The following HDAC9 variants were observed in gnomAD, a reference collection of about 807,000 sequenced individuals.
The protein encoded by HDAC9 is MEF-2 interacting transcription repressor (MITR) protein.
Under a neutral mutation model 139.4 loss-of-function variants are expected in HDAC9, and 41 were observed. That is an observed-to-expected ratio of 0.29 (90% CI 0.23 to 0.38). HDAC9 has a LOEUF of 0.38. Among genes scored for constraint, HDAC9 ranks in the 10% least tolerant of loss-of-function variants. The pLI is 1.00. For missense variants in HDAC9, 1,147 were observed against 1,297.0 expected (o/e 0.88, Z 1.78); for synonymous variants, 517 against 476.2 (o/e 1.09, Z -1.12).
At chr7:18,249,850 G>A (rs929862054) in intron 2 of HDAC9, among the ~76,000 whole-genome samples, 9 of 152,132 alleles carry the variant, frequency 5.9e-5, no homozygotes, top group African/African-American at 2.2e-4. Flanking sequence ...ACTTAGATGA[G>A]AAGTTGTAAA....
chr7:18,615,489 C>A (rs1207331734), intron 6 of HDAC9, among the ~76,000 whole-genome samples: 3 of 152,038 alleles, frequency 2.0e-5, no homozygotes, highest in African/African-American at 4.8e-5. Context: ...TATACTTATA[C>A]CCTATGGAAC....
chr7:18,248,289 A>G (rs1017261862), intron 2 of HDAC9, among the ~76,000 whole-genome samples: 1 of 152,220 alleles, frequency 6.6e-6, no homozygotes. Flanking sequence ...AAATGAATTT[A>G]ACATTTCTTA....
intron 1 of HDAC9, among the ~76,000 whole-genome samples, chr7:18,120,717 A>G (rs905921322): frequency 1.3e-5 from 2 of 152,202 alleles, no homozygotes; most frequent in African/African-American, 4.8e-5. Flanking sequence ...TGTGGGTGAA[A>G]TACAAAGTGT....
chr7:18,518,830 A>G (rs769657564), intron 2 of HDAC9, among the ~76,000 whole-genome samples: 2 of 152,204 alleles, frequency 1.3e-5, no homozygotes. Flanking sequence ...ACCTTAAAAC[A>G]TTAAAGTGTT....
chr7:18,880,019 A>AAAG (rs1799611392), intron 22 of HDAC9, among the ~76,000 whole-genome samples: 1 of 152,222 alleles, frequency 6.6e-6, no homozygotes, highest in African/African-American at 2.4e-5. Flanking sequence ...ACATTTTTCA[A>AAAG]AAGAAGACAT....
rs145306736 is a variant in HDAC9 at position 18,823,837 on chromosome 7, G to A, written c.2323-5324G>A. Among the ~76,000 whole-genome samples, 636 of 151,980 alleles carry A rather than the reference G, an allele frequency of 4.2e-3. 2 individuals are homozygous for A. The highest frequency in any genetic ancestry group is 0.015 in the African/African-American group (611 of 41,442). On this transcript the variant is annotated intron_variant, in intron 17 of 25. Coordinates refer to ENST00000686413, the MANE Select transcript of HDAC9 (RefSeq NM_178425.4). ...TCACTAAAAATACCAAAATTAGCCA[G>A]GTGTGGTGGTGTGTGCCTGTAGCCC...
In HDAC9 at chr7:18,115,693, C is replaced by A. The variant is rs930074165; in HGVS notation, c.-97+28480C>A. 3.9e-5 allele frequency among the ~76,000 whole-genome samples: 6 copies of A among 152,192 alleles called. 1 individual carries two copies. The highest frequency in any genetic ancestry group is 3.9e-4 in the Admixed American group (6 of 15,280). ...CTATACTGTGAAACCAGGCAGTTTG[C>A]CATACCTGCCAGCTGTGGACCTGTG... is the stretch of plus-strand genomic sequence containing the variant. On this transcript the variant is annotated intron_variant, in intron 1 of 12. Coordinates refer to the HDAC9 transcript ENST00000417496.
At chr7:18,740,742 G>C (rs567336673) in intron 13 of HDAC9, among the ~76,000 whole-genome samples, 1 of 152,346 alleles carries the variant, frequency 6.6e-6, no homozygotes, top group African/African-American at 2.4e-5. Flanking sequence ...CAAAAGCTGA[G>C]ATAGGCAAAA....
At position 18,916,226 on chromosome 7, in the gene HDAC9, C is replaced by A. The variant is rs766400753; in HGVS notation, c.2804-19583C>A. Among the ~76,000 whole-genome samples the A allele has an allele frequency of 3.3e-5, 5 of 151,990 alleles. No homozygotes were observed. The South Asian group carries it at 1.0e-3, about 32-fold the overall frequency. Reference sequence around the variant, plus strand: ...CAGTCACTAGCCAGAAATTTGGCAGCCATTTCTTGGAGCATTGAAGAGAGT... The same window carrying A: ...CAGTCACTAGCCAGAAATTTGGCAGACATTTCTTGGAGCATTGAAGAGAGT... On this transcript the variant is annotated intron_variant, in intron 22 of 25. Coordinates refer to ENST00000686413, the MANE Select transcript of HDAC9 (RefSeq NM_178425.4).
chr7:18,603,392 C>T (rs899050247), intron 6 of HDAC9, among the ~76,000 whole-genome samples: 3 of 151,956 alleles, frequency 2.0e-5, no homozygotes, highest in Admixed American at 6.5e-5. Flanking sequence ...TCTCTGACTC[C>T]TCTGCTATTC....
chr7:18,758,611 T>C (rs1789092170), intron 14 of HDAC9, among the ~76,000 whole-genome samples: 1 of 152,174 alleles, frequency 6.6e-6, no homozygotes, highest in Non-Finnish European at 1.5e-5. Context: ...TTAAGGCATT[T>C]ATACAAGTGA....
chr7:18,299,220 A>T (rs1222611877), intron 1 of HDAC9, among the ~76,000 whole-genome samples: 2 of 138,998 alleles, frequency 1.4e-5, no homozygotes. Flanking sequence ...AACTCTTAAG[A>T]TTTTTTTTTT....
intron 1 of HDAC9, among the ~76,000 whole-genome samples, chr7:18,115,009 T>G (rs116322640): frequency 0.016 from 2,468 of 152,302 alleles, 63 homozygotes; most frequent in African/African-American, 0.056. Flanking sequence ...AAAATTCATA[T>G]GTCCGGGCAC....
intron 1 of HDAC9, among the ~76,000 whole-genome samples, chr7:18,154,934 G>A (rs778303120): frequency 6.6e-6 from 1 of 152,162 alleles, no homozygotes; most frequent in African/African-American, 2.4e-5. Flanking sequence ...AGGTTATAGC[G>A]TGTGAGTTAC....
intron 14 of HDAC9, among the ~76,000 whole-genome samples, chr7:18,749,813 C>A (rs564400696): frequency 1.3e-5 from 2 of 152,240 alleles, no homozygotes; most frequent in South Asian, 2.1e-4. Flanking sequence ...GATTTAGTTG[C>A]TATAAATGTC....
chr7:18,729,930 T>A (rs1438208043), intron 13 of HDAC9, among the ~76,000 whole-genome samples: 5 of 152,180 alleles, frequency 3.3e-5, no homozygotes, highest in African/African-American at 1.2e-4. Flanking sequence ...TAGTTCAAAT[T>A]TGAATACACT....
At chr7:18,953,241 A>G (rs2389997) in intron 23 of HDAC9, among the ~76,000 whole-genome samples, 1 of 151,834 alleles carries the variant, frequency 6.6e-6, no homozygotes, top group Non-Finnish European at 1.5e-5. Context: ...TAGGAAAACT[A>G]CTTTTTTGTT....
At chr7:18,461,893 C>G (rs1793881700) in intron 1 of HDAC9, among the ~76,000 whole-genome samples, 1 of 152,024 alleles carries the variant, frequency 6.6e-6, no homozygotes, top group Non-Finnish European at 1.5e-5. Context: ...ATCTTATGTA[C>G]CAGACATTCA....
chr7:18,908,104 G>A (rs756405869), intron 22 of HDAC9, among the ~76,000 whole-genome samples: 24 of 151,914 alleles, frequency 1.6e-4, no homozygotes, highest in Non-Finnish European at 3.2e-4. Context: ...TTTGAGACAT[G>A]AAATGTCTCA....
Sources: allele counts gnomAD v4.1 joint callset (sites outside exome capture counted in the v4.1 genomes callset), GRCh38; gene constraint gnomAD v4.1.1; transcripts MANE v1.5; gene names NCBI Gene and HGNC (gene_info 2026-07-23, HGNC 2026-07-21).